The following SAMD5 variants were observed in gnomAD, a reference collection of about 807,000 sequenced individuals.
SAMD5 encodes the protein sterile alpha motif domain-containing protein 5.
A neutral mutation model predicts 11.3 loss-of-function variants in SAMD5; 13 were observed. That is an observed-to-expected ratio of 1.15 (90% CI 0.75 to 1.83). SAMD5 has a LOEUF of 1.83. Ranked by LOEUF, SAMD5 falls within the 40% of genes most tolerant of loss-of-function variation. SAMD5 has a pLI of 0.00. For synonymous variants in SAMD5, 129 were observed against 111.3 expected (o/e 1.16, Z -1.00); for missense variants, 255 against 239.1 (o/e 1.07, Z -0.44).
chr6:147,640,126 G>A (rs1384974672), intron 1 of SAMD5, among the ~76,000 whole-genome samples: 1 of 151,896 alleles, frequency 6.6e-6, no homozygotes, highest in Non-Finnish European at 1.5e-5. Flanking sequence ...AAGAGATCGC[G>A]ACCATCCTGG....
At chr6:147,702,866 C>T (rs1321156007) in intron 1 of SAMD5, among the ~76,000 whole-genome samples, 1 of 151,876 alleles carries the variant, frequency 6.6e-6, no homozygotes, top group African/African-American at 2.4e-5. Flanking sequence ...TCCCAGAAAG[C>T]TTACATACAA....
the SAMD5 span, among the ~76,000 whole-genome samples, chr6:147,774,166 A>G: frequency 2.0e-5 from 3 of 152,096 alleles, no homozygotes; most frequent in African/African-American, 7.2e-5. Flanking sequence ...TAAGTCCACT[A>G]ACCCATTCAT....
At chr6:147,909,560 T>TTTC in the SAMD5 span, among the ~76,000 whole-genome samples, 60 of 78,920 alleles carry the variant, frequency 7.6e-4, 13 homozygotes, top group African/African-American at 3.1e-3. Flanking sequence ...CATCCATCTT[T>TTTC]TTTCTTTCTT....
chr6:147,606,888 C>A (rs1359890395), intron 1 of SAMD5, among the ~76,000 whole-genome samples: 1 of 148,650 alleles, frequency 6.7e-6, no homozygotes, highest in African/African-American at 2.5e-5. Context: ...TTTTCAATGA[C>A]TATTACACAT....
the SAMD5 span, among the ~76,000 whole-genome samples, chr6:147,771,287 G>A: frequency 2.6e-5 from 4 of 152,290 alleles, no homozygotes; most frequent in Middle Eastern, 6.8e-3. Flanking sequence ...CTGACTTTGG[G>A]ATAAGCAGTG....
At chr6:147,630,752 T>G (rs1790137220) in intron 1 of SAMD5, among the ~76,000 whole-genome samples, 1 of 152,188 alleles carries the variant, frequency 6.6e-6, no homozygotes, top group Non-Finnish European at 1.5e-5. Flanking sequence ...GCACATGAAA[T>G]TTGATGCCAA....
chr6:147,913,268 T>G, the SAMD5 span, among the ~76,000 whole-genome samples: 1 of 152,206 alleles, frequency 6.6e-6, no homozygotes, highest in Non-Finnish European at 1.5e-5. Flanking sequence ...TGACTACCTG[T>G]CCTCAGTATC....
the SAMD5 span, among the ~76,000 whole-genome samples, chr6:147,831,774 C>A: frequency 6.6e-6 from 1 of 152,056 alleles, no homozygotes; most frequent in African/African-American, 2.4e-5. Context: ...CTGAATTTCT[C>A]AGCTGAATTT....
chr6:147,923,590 T>C, the SAMD5 span, among the ~76,000 whole-genome samples: 1 of 152,338 alleles, frequency 6.6e-6, no homozygotes, highest in Middle Eastern at 3.4e-3. Flanking sequence ...TTAATTATGT[T>C]CTACAGGTGA....
chr6:147,904,475 C>A, the SAMD5 span, among the ~76,000 whole-genome samples: 89,863 of 152,058 alleles, frequency 0.59, 27,206 homozygotes, highest in African/African-American at 0.72. Flanking sequence ...AGTCACCCAG[C>A]TTGGATTATG....
At chr6:147,512,408 C>T (rs1304938921) in intron 1 of SAMD5, among the ~76,000 whole-genome samples, 1 of 152,030 alleles carries the variant, frequency 6.6e-6, no homozygotes, top group Non-Finnish European at 1.5e-5. Flanking sequence ...CAAAGATTAT[C>T]AAGATAGGGA....
the SAMD5 span, among the ~76,000 whole-genome samples, chr6:147,860,641 C>T: frequency 6.6e-6 from 1 of 152,208 alleles, no homozygotes; most frequent in African/African-American, 2.4e-5. Context: ...CACATCCCCA[C>T]ATGCACTTTG....
At chr6:147,641,567 ATTTT>A (rs35496907) in intron 1 of SAMD5, among the ~76,000 whole-genome samples, 1 of 139,834 alleles carries the variant, frequency 7.2e-6, no homozygotes. Flanking sequence ...TCTGTCTTTA[ATTTT>A]TTTTTTTTTT....
At chr6:147,741,332 T>G (rs1391528318), downstream of SAMD5, 1 of 152,196 alleles carries the variant, frequency 6.6e-6, no homozygotes, top group South Asian at 2.1e-4. Flanking sequence ...CAGGATTCTT[T>G]GTTGCCCTGG....
intron 1 of SAMD5, among the ~76,000 whole-genome samples, chr6:147,598,720 G>C (rs1231311887): frequency 6.6e-6 from 1 of 152,144 alleles, no homozygotes; most frequent in African/African-American, 2.4e-5. Context: ...CTGTACATCT[G>C]ACATGTGCGT....
chr6:147,793,852 TGA>T, the SAMD5 span, among the ~76,000 whole-genome samples: 1 of 152,206 alleles, frequency 6.6e-6, no homozygotes, highest in Non-Finnish European at 1.5e-5. Flanking sequence ...TTGGATAGTG[TGA>T]GTCTTCCAAC....
chr6:147,713,937 G>T (rs1177159628), intron 1 of SAMD5, among the ~76,000 whole-genome samples: 2 of 151,876 alleles, frequency 1.3e-5, no homozygotes, highest in Admixed American at 6.6e-5. Context: ...GAAGAAATAT[G>T]TATTGAGATG....
At chr6:147,881,742 C>CGAATTCCTCACTTTGGGA in the SAMD5 span, among the ~76,000 whole-genome samples, 2 of 152,190 alleles carry the variant, frequency 1.3e-5, no homozygotes, top group Non-Finnish European at 2.9e-5. Flanking sequence ...CGGCTCCTTG[C>CGAATTCCTCACTTTGGGA]GAATTCCTCA....
the SAMD5 span, among the ~76,000 whole-genome samples, chr6:147,768,156 A>G: frequency 6.6e-6 from 1 of 152,194 alleles, no homozygotes; most frequent in Non-Finnish European, 1.5e-5. Context: ...ATATACAGCT[A>G]GGTGTACCAA....
Sources: gnomAD v4.1 joint callset for allele counts (sites outside exome capture counted in the v4.1 genomes callset) on GRCh38, gnomAD v4.1.1 for gene constraint, MANE v1.5 for transcripts, NCBI Gene and HGNC (gene_info 2026-07-23, HGNC 2026-07-21) for gene names.